NUDT3: variants seen among roughly 807,000 people sequenced by gnomAD.
The protein encoded by NUDT3 is nudix hydrolase 3, also known as diphosphoinositol polyphosphate phosphohydrolase 1.
Under a neutral mutation model 23.6 loss-of-function variants are expected in NUDT3, and 9 were observed. That is an observed-to-expected ratio of 0.38 (90% CI 0.23 to 0.66). The LOEUF is 0.66. Among genes scored for constraint, NUDT3 ranks in the 30% least tolerant of loss-of-function variants. NUDT3 has a pLI of 0.52. For missense variants in NUDT3, 172 were observed against 218.5 expected (o/e 0.79, Z 1.34); for synonymous variants, 86 against 82.6 (o/e 1.04, Z -0.22).
rs1446669181 is a variant in NUDT3 at position 34,288,513 on chromosome 6, G to C, written c.*240C>G. On this transcript the variant is annotated 3_prime_UTR_variant, in exon 5 of 5. Transcript: ENST00000607016. ...GCAGGGGTGGGAAGAGGGAGGGACA[G>C]ATCATGCACAAAAGTACTTACAAAT... 2.0e-6 allele frequency: 1 copy of C among 492,154 alleles called. No homozygotes were observed. Among genetic ancestry groups the C allele is most frequent in the Admixed American group, 4.1e-5 (1 of 24,574 alleles). The allele number at this position is 492,154 out of a possible 1,614,324, so 30.5% of individuals were successfully genotyped here. A position where few individuals can be genotyped will look rare whatever the true frequency, so the allele number is the denominator to read the frequency against.
chr6:34,294,012 G>C lies in NUDT3; in HGVS notation c.256-477C>G, dbSNP rs1037340941. On this transcript the variant is annotated intron_variant, in intron 3 of 4. Transcript: ENST00000607016. ...CCCACTTACCTTATTTTTTGAGAGA[G>C]AGCCTTACTTTGTCACCTACGGTAG... Among the ~76,000 whole-genome samples the C allele has an allele frequency of 7.2e-5, 11 of 152,040 alleles. No individual in the cohort carries two copies. In the East Asian group the frequency reaches 1.4e-3, roughly 19 times the overall value.
intron 1 of NUDT3, among the ~76,000 whole-genome samples, chr6:34,348,415 G>A (rs1278359060): frequency 6.6e-6 from 1 of 152,068 alleles, no homozygotes; most frequent in African/African-American, 2.4e-5. Flanking sequence ...CCAGGAGGTC[G>A]AGGCTGCAGT....
chr6:34,295,138 T>C (rs534653323), intron 3 of NUDT3, among the ~76,000 whole-genome samples: 3 of 152,302 alleles, frequency 2.0e-5, no homozygotes, highest in African/African-American at 7.2e-5. Flanking sequence ...AAAATAATTC[T>C]AGTAGTTTAG....
At chr6:34,380,213 G>A (rs149514387) in intron 1 of NUDT3, among the ~76,000 whole-genome samples, 285 of 151,756 alleles carry the variant, frequency 1.9e-3, no homozygotes, top group African/African-American at 6.2e-3. Context: ...CACCACGCCC[G>A]GCTAATTTTT....
chr6:34,328,605 C>A (rs1392384207), intron 2 of NUDT3, among the ~76,000 whole-genome samples: 1 of 152,064 alleles, frequency 6.6e-6, no homozygotes, highest in East Asian at 1.9e-4. Context: ...CTCACTGCAG[C>A]CTTGATGCTA....
intron 1 of NUDT3, among the ~76,000 whole-genome samples, chr6:34,362,062 T>C (rs1414655775): frequency 1.3e-5 from 2 of 152,184 alleles, no homozygotes; most frequent in Non-Finnish European, 2.9e-5. Context: ...AGGATGCTGA[T>C]AGTGAGGGAG....
chr6:34,376,037 C>A (rs1764917299), intron 1 of NUDT3, among the ~76,000 whole-genome samples: 1 of 152,180 alleles, frequency 6.6e-6, no homozygotes, highest in African/African-American at 2.4e-5. Context: ...TGACACTCCA[C>A]ACTGTATCTA....
chr6:34,390,952 T>C (rs1305855201), intron 1 of NUDT3, among the ~76,000 whole-genome samples: 1 of 152,208 alleles, frequency 6.6e-6, no homozygotes, highest in Non-Finnish European at 1.5e-5. Context: ...GCTATTACAA[T>C]GCATCTGTTT....
chr6:34,354,734 A>G (rs985654727), intron 1 of NUDT3, among the ~76,000 whole-genome samples: 10 of 122,586 alleles, frequency 8.2e-5, no homozygotes, highest in Non-Finnish European at 1.6e-4. Context: ...GGGGGGAAAA[A>G]GTATATATAT....
intron 2 of NUDT3, among the ~76,000 whole-genome samples, chr6:34,318,949 C>G (rs142811345): frequency 7.1e-4 from 108 of 151,068 alleles, no homozygotes; most frequent in African/African-American, 2.4e-3. Context: ...AACCAAAAGA[C>G]ACAGAAAGTT....
intron 2 of NUDT3, among the ~76,000 whole-genome samples, chr6:34,332,647 A>G (rs1041455519): frequency 2.2e-4 from 34 of 152,356 alleles, no homozygotes; most frequent in South Asian, 4.1e-4. Flanking sequence ...TCTAAAGTAT[A>G]TGGGAGGATA....
chr6:34,335,564 C>T (rs1764196121), intron 2 of NUDT3, among the ~76,000 whole-genome samples: 1 of 151,696 alleles, frequency 6.6e-6, no homozygotes, highest in South Asian at 2.1e-4. Flanking sequence ...AGTCTTGTGG[C>T]CTCAAATTTT....
intron 1 of NUDT3, among the ~76,000 whole-genome samples, chr6:34,354,729 GA>G (rs1008680608): frequency 4.8e-5 from 6 of 125,286 alleles, no homozygotes; most frequent in African/African-American, 1.2e-4. Flanking sequence ...TCTCGGGGGG[GA>G]AAAAGTATAT....
In NUDT3 at chr6:34,379,882, C is replaced by T. The variant is rs367596450; in HGVS notation, c.99+12382G>A. On this transcript the variant is annotated intron_variant, in intron 1 of 4. Transcript: ENST00000607016. Reference sequence around the variant, plus strand: ...ATTAGCCGGATGGGGTGGCACATGCCTGTGATCCCAGCTACTTGGGAGGTG... The same window carrying T: ...ATTAGCCGGATGGGGTGGCACATGCTTGTGATCCCAGCTACTTGGGAGGTG... Among the ~76,000 whole-genome samples, 14 of 151,828 alleles carry T rather than the reference C, an allele frequency of 9.2e-5. No homozygotes were observed. The East Asian group carries it at 1.6e-3, about 17-fold the overall frequency.
intron 1 of NUDT3, among the ~76,000 whole-genome samples, chr6:34,343,054 T>C (rs972694264): frequency 6.6e-6 from 1 of 152,198 alleles, no homozygotes; most frequent in Non-Finnish European, 1.5e-5. Context: ...GAGAAGATCA[T>C]GGTGTTATGG....
chr6:34,353,555 T>A (rs865943969), intron 1 of NUDT3, among the ~76,000 whole-genome samples: 13 of 151,834 alleles, frequency 8.6e-5, no homozygotes, highest in African/African-American at 3.1e-4. Context: ...GTGCGTGCCA[T>A]CACATCCAGC....
At chr6:34,354,229 T>C (rs1764522959) in intron 1 of NUDT3, among the ~76,000 whole-genome samples, 1 of 151,852 alleles carries the variant, frequency 6.6e-6, no homozygotes, top group South Asian at 2.1e-4. Flanking sequence ...CAGGCTAGTC[T>C]AGAACTCCTG....
At chr6:34,338,521 T>C (rs1764243071) in intron 2 of NUDT3, among the ~76,000 whole-genome samples, 2 of 152,294 alleles carry the variant, frequency 1.3e-5, no homozygotes, top group Non-Finnish European at 2.9e-5. Context: ...AATTTCTGTA[T>C]CCCCAATTTG....
intron 1 of NUDT3, among the ~76,000 whole-genome samples, chr6:34,345,585 C>G (rs1007196377): frequency 2.0e-5 from 3 of 149,324 alleles, no homozygotes; most frequent in African/African-American, 7.4e-5. Context: ...ATGGCGTGAA[C>G]CCGGGAGGTG....
Sources: gnomAD v4.1 joint callset for allele counts (sites outside exome capture counted in the v4.1 genomes callset) on GRCh38, gnomAD v4.1.1 for gene constraint, MANE v1.5 for transcripts, NCBI Gene and HGNC (gene_info 2026-07-23, HGNC 2026-07-21) for gene names.